The following MFSD11 variants were observed in gnomAD, a reference collection of about 807,000 sequenced individuals.
The protein encoded by MFSD11 is UNC93-like protein MFSD11.
A neutral mutation model predicts 53.5 loss-of-function variants in MFSD11; 36 were observed. The ratio of observed to expected loss-of-function variants is 0.67; its 90% CI spans 0.52 to 0.89. The LOEUF is 0.89. MFSD11 is among the 40% of genes least tolerant of loss of function. The probability of loss-of-function intolerance (pLI) is 0.00; values close to 1 mark genes in which losing one functional copy is unlikely to be tolerated. For synonymous variants in MFSD11, 186 were observed against 184.9 expected (o/e 1.01, Z -0.05); for missense variants, 530 against 543.9 (o/e 0.97, Z 0.25).
chr17:76,759,647 T>A (rs1016352559), intron 8 of MFSD11, among the ~76,000 whole-genome samples: 3 of 151,024 alleles, frequency 2.0e-5, no homozygotes, highest in Non-Finnish European at 4.4e-5. Context: ...TTGCTAGAGA[T>A]GGGGTTTCAC....
chr17:76,800,490 T>G, the MFSD11 span, among the ~76,000 whole-genome samples: 3 of 152,220 alleles, frequency 2.0e-5, no homozygotes, highest in African/African-American at 7.2e-5. Context: ...CTCTTTGTAT[T>G]GGTGTGGCCA....
At chr17:76,765,262 GT>G (rs1349983443) in intron 8 of MFSD11, among the ~76,000 whole-genome samples, 1 of 151,720 alleles carries the variant, frequency 6.6e-6, no homozygotes, top group Non-Finnish European at 1.5e-5. Context: ...TGAAAAGTCT[GT>G]TTTTTTGTCA....
chr17:76,755,703 T>C (rs1158296288), intron 8 of MFSD11, among the ~76,000 whole-genome samples: 1 of 146,116 alleles, frequency 6.8e-6, no homozygotes, highest in Admixed American at 7.0e-5. Flanking sequence ...TTTTTACATA[T>C]ATATATGTGT....
At chr17:76,749,683 A>T (rs904319480) in intron 7 of MFSD11, among the ~76,000 whole-genome samples, 13 of 152,216 alleles carry the variant, frequency 8.5e-5, no homozygotes, top group African/African-American at 3.1e-4. Context: ...CGAGGTCAGG[A>T]GATCGAGACC....
At chr17:76,738,545 T>G in intron 1 of MFSD11, 97 bp downstream of exon 1, 1 of 842,634 alleles carries the variant, frequency 1.2e-6, no homozygotes, top group Non-Finnish European at 1.9e-6. Flanking sequence ...CGCGCTTTAA[T>G]TGCATCTTTC....
rs146923077 is a variant in MFSD11, at chr17:76,757,630, C to T, written c.682+3543C>T. The stretch of plus-strand genomic sequence containing the variant: ...GTTTAGTGTGCTTCTAAAATATGTT[C>T]GTAAAGTTTTTAAACATTGATTTTT... On this transcript the variant is annotated intron_variant, in intron 8 of 12. Coordinates refer to ENST00000685175, the MANE Select transcript of MFSD11 (RefSeq NM_001242532.5). Among the ~76,000 whole-genome samples the T allele has an allele frequency of 9.2e-3, 1,394 of 152,204 alleles. 21 individuals are homozygous for T. The highest frequency in any genetic ancestry group is 0.031 in the African/African-American group (1,287 of 41,512).
intron 7 of MFSD11, chr17:76,747,950 CCTCTT>C (rs2078695056): frequency 6.6e-6 from 1 of 152,152 alleles, no homozygotes; most frequent in South Asian, 2.1e-4. Context: ...TTGTGGCAGC[CCTCTT>C]CTATGCCTGA....
At chr17:76,797,609 A>G in the MFSD11 span, among the ~76,000 whole-genome samples, 1 of 152,102 alleles carries the variant, frequency 6.6e-6, no homozygotes, top group Non-Finnish European at 1.5e-5. Flanking sequence ...ATCTTGTGAT[A>G]CCAGTCCTGA....
At chr17:76,782,070 C>T (rs1356244862), downstream of MFSD11, among the ~76,000 whole-genome samples, 2 of 151,758 alleles carry the variant, frequency 1.3e-5, no homozygotes, top group Non-Finnish European at 2.9e-5. Flanking sequence ...ATCCTCCTGC[C>T]TCGGCCTTCC....
intron 10 of MFSD11, 133 bp downstream of exon 10, chr17:76,770,004 T>A: frequency 1.2e-6 from 1 of 811,526 alleles, no homozygotes; most frequent in South Asian, 1.7e-5. Flanking sequence ...CGTGTGTTTT[T>A]ATTTTTCTAT....
chr17:76,744,667 G>A (rs1251201213), intron 7 of MFSD11, among the ~76,000 whole-genome samples: 1 of 152,194 alleles, frequency 6.6e-6, no homozygotes, highest in Non-Finnish European at 1.5e-5. Flanking sequence ...TGGTGAAAAG[G>A]TGCACAGGGA....
Position 76,741,922 on chromosome 17 carries a change from A to G in MFSD11, c.261-47A>G, listed in dbSNP as rs1045547895. On this transcript the variant is annotated intron_variant, in intron 3 of 12. Coordinates refer to ENST00000685175, the MANE Select transcript of MFSD11 (RefSeq NM_001242532.5). The stretch of plus-strand genomic sequence containing the variant: ...TCCTAGAAGGCATAATTGGCATTCT[A>G]TTTCAGGTATCGTTTGACTGTAATA... The G allele has an allele frequency of 4.3e-6, 7 of 1,613,308 alleles. No individual in the cohort carries two copies. In the South Asian group the frequency reaches 7.7e-5, roughly 18 times the overall value.
chr17:76,760,527 C>CTT (rs113259380), intron 8 of MFSD11, among the ~76,000 whole-genome samples: 11 of 144,844 alleles, frequency 7.6e-5, no homozygotes, highest in African/African-American at 2.8e-4. Context: ...AGTTTTCTTT[C>CTT]TTTTTTTTTT....
chr17:76,738,249 C>G lies in MFSD11; in HGVS notation c.-104C>G, dbSNP rs766894372. ...TTGGCTGCCTGGCTCCTGCATCTGC[C>G]TTCTCCACTCACCATCTCATTTCTT... On this transcript the variant is annotated 5_prime_UTR_variant, in exon 1 of 13. Transcript: ENST00000685175. The G allele has an allele frequency of 2.7e-6, 2 of 743,266 alleles. No homozygotes were observed. The highest frequency in any genetic ancestry group is 2.5e-5 in the East Asian group (1 of 39,436). The allele number at this position is 743,266 out of a possible 1,614,324, so 46.0% of individuals were successfully genotyped here.
chr17:76,764,893 C>A (rs1186525914), intron 8 of MFSD11, among the ~76,000 whole-genome samples: 1 of 152,158 alleles, frequency 6.6e-6, no homozygotes, highest in Admixed American at 6.5e-5. Flanking sequence ...CAATAGCGTA[C>A]AAGGGTTGTC....
Position 76,767,435 on chromosome 17 carries a change from T to TA in MFSD11, c.733dup (p.Thr245AsnfsTer25). ...CCAAGGAGATGCTCCTTCTTAGTAT[T>TA]ACAACTGCTTATACAGGTAATGGAA... On this transcript the variant is annotated frameshift_variant, in exon 9 of 13. Transcript: ENST00000685175. LOFTEE classifies it high-confidence loss of function. The TA allele has an allele frequency of 6.3e-7, 1 of 1,593,548 alleles. No individual in the cohort carries two copies. The highest frequency in any genetic ancestry group is 8.6e-7 in the Non-Finnish European group (1 of 1,162,406).
intron 7 of MFSD11, among the ~76,000 whole-genome samples, chr17:76,748,645 C>G (rs1038726067): frequency 6.6e-6 from 1 of 151,816 alleles, no homozygotes; most frequent in African/African-American, 2.4e-5. Context: ...GTGGTCACGC[C>G]GCTGCACTCC....
intron 8 of MFSD11, among the ~76,000 whole-genome samples, chr17:76,764,030 T>A (rs1175467338): frequency 1.3e-5 from 2 of 152,034 alleles, no homozygotes; most frequent in East Asian, 3.9e-4. Flanking sequence ...GCCCAGCTAA[T>A]TTTTTTGTAT....
chr17:76,764,721 G>A (rs1207725910), intron 8 of MFSD11, among the ~76,000 whole-genome samples: 2 of 152,006 alleles, frequency 1.3e-5, no homozygotes, highest in African/African-American at 4.8e-5. Context: ...ATATAATAGT[G>A]CTGTAATGAA....
Sources: allele counts gnomAD v4.1 joint callset (sites outside exome capture counted in the v4.1 genomes callset), GRCh38; gene constraint gnomAD v4.1.1; transcripts MANE v1.5; gene names NCBI Gene and HGNC (gene_info 2026-07-23, HGNC 2026-07-21).